The following CAPN8 variants were observed in gnomAD, a reference collection of about 807,000 sequenced individuals.
CAPN8 encodes the protein calpain-8.
Under a neutral mutation model 80.9 loss-of-function variants are expected in CAPN8, and 87 were observed. The ratio of observed to expected loss-of-function variants is 1.07; its 90% CI spans 0.90 to 1.28. The LOEUF is 1.28. Ranked by LOEUF, CAPN8 falls within the 50% of genes most tolerant of loss-of-function variation. The pLI, the probability that CAPN8 is intolerant of heterozygous loss-of-function variation, is 0.00. For missense variants in CAPN8, 757 were observed against 702.0 expected (o/e 1.08, Z -0.89); for synonymous variants, 299 against 273.8 (o/e 1.09, Z -0.91).
chr1:223,610,231 C>T (rs915100322), intron 11 of CAPN8, among the ~76,000 whole-genome samples: 1 of 152,202 alleles, frequency 6.6e-6, no homozygotes, highest in Admixed American at 6.5e-5. Flanking sequence ...ATGTCCACCC[C>T]AGAGTGGACA....
chr1:223,644,259 C>T, intron 2 of CAPN8: 1 of 319,624 alleles, frequency 3.1e-6, no homozygotes, highest in Admixed American at 3.5e-5. Flanking sequence ...AGCCTTCTAT[C>T]CACATATTCT....
intron 13 of CAPN8, among the ~76,000 whole-genome samples, chr1:223,556,736 T>C (rs950261025): frequency 1.4e-4 from 21 of 152,164 alleles, no homozygotes; most frequent in African/African-American, 5.1e-4. Flanking sequence ...TATAAGTTGA[T>C]TTAGCAGAAC....
chr1:223,541,899 G>T, intron 20 of CAPN8, 40 bp from the exon 21 acceptor site: 3 of 1,551,306 alleles, frequency 1.9e-6, no homozygotes, highest in Non-Finnish European at 2.6e-6. Context: ...TGGCTTCTCA[G>T]GGGCTGGTGT....
At chr1:223,554,050 A>G (rs1656855796) in intron 13 of CAPN8, 150 bp from the exon 14 acceptor site, 1 of 394,644 alleles carries the variant, frequency 2.5e-6, no homozygotes. Flanking sequence ...ATGGTGGCAA[A>G]CCAAGAGACA....
At chr1:223,549,191 C>T in intron 16 of CAPN8, 127 bp downstream of exon 16, 2 of 1,217,712 alleles carry the variant, frequency 1.6e-6, no homozygotes, top group Middle Eastern at 2.8e-4. Context: ...TTGACATATG[C>T]TCCATGCCTG....
At position 223,619,424 on chromosome 1, in the gene CAPN8, A is replaced by G; in HGVS notation, c.1004T>C (p.Phe335Ser). 1 of 1,551,622 alleles carries G rather than the reference A, an allele frequency of 6.4e-7. No homozygotes were observed. The highest frequency in any genetic ancestry group is 1.2e-5 in the South Asian group (1 of 84,032). The change falls in exon 9 of 21, where the codon TTC becomes TCC. Residue 335 changes from phenylalanine (F) to serine (S), a missense_variant. Coordinates refer to ENST00000366872, the MANE Select transcript of CAPN8 (RefSeq NM_001143962.2). Reference protein sequence around the residue: ...WMSLSDFVRQFSRLEICNLSP... With the variant: ...WMSLSDFVRQSSRLEICNLSP... ...CAGGTTGCAGATCTCCAACCGAGAGAACTGCCTCACGAAATCTGAAAGTGA... is the reference window on the plus strand; with the variant it reads ...CAGGTTGCAGATCTCCAACCGAGAGGACTGCCTCACGAAATCTGAAAGTGA...
At chr1:223,660,938 A>T (rs1280305625) in intron 1 of CAPN8, among the ~76,000 whole-genome samples, 1 of 152,280 alleles carries the variant, frequency 6.6e-6, no homozygotes, top group South Asian at 2.1e-4. Flanking sequence ...AGGCCGAGGC[A>T]GGTGGGTCAC....
chr1:223,615,839 A>G (rs1371581108), intron 10 of CAPN8, 131 bp downstream of exon 10: 2 of 1,106,570 alleles, frequency 1.8e-6, no homozygotes, highest in Admixed American at 4.0e-5. Context: ...GGAGAGGTAT[A>G]TAGAGGAGCA....
At chr1:223,632,049 T>A (rs1271347308) in intron 2 of CAPN8, among the ~76,000 whole-genome samples, 1 of 152,156 alleles carries the variant, frequency 6.6e-6, no homozygotes, top group African/African-American at 2.4e-5. Context: ...TGACATCAAA[T>A]GAGGTGGCCC....
rs1005784657 is a variant in CAPN8 at position 223,556,137 on chromosome 1, T to A, written c.1572+1994A>T. 8.9e-4 allele frequency among the ~76,000 whole-genome samples: 135 copies of A among 152,290 alleles called. 1 individual carries two copies. The highest frequency in any genetic ancestry group is 3.1e-3 in the African/African-American group (128 of 41,538). ...AGAGTGTGTTTGTTCACCCTGTAAT[T>A]TTTCCTTCCCTCATTCAGAGCAGGT... On this transcript the variant is annotated intron_variant, in intron 13 of 20. Coordinates refer to ENST00000366872, the MANE Select transcript of CAPN8 (RefSeq NM_001143962.2).
intron 14 of CAPN8, 46 bp from the exon 15 acceptor site, chr1:223,551,063 T>C: frequency 2.8e-6 from 2 of 715,124 alleles, no homozygotes; most frequent in Non-Finnish European, 5.2e-6. Flanking sequence ...CCCTGACAAG[T>C]TGTTTCAAGA....
chr1:223,645,076 T>C (rs1051025264), intron 2 of CAPN8, among the ~76,000 whole-genome samples: 3 of 152,078 alleles, frequency 2.0e-5, no homozygotes, highest in Non-Finnish European at 4.4e-5. Context: ...AGCGCAGCCT[T>C]CAGTCTGTGG....
At chr1:223,639,352 A>G (rs1657986991) in intron 2 of CAPN8, among the ~76,000 whole-genome samples, 1 of 152,228 alleles carries the variant, frequency 6.6e-6, no homozygotes, top group Non-Finnish European at 1.5e-5. Context: ...TCAGCCCTTC[A>G]CCCTCCAAGA....
intron 10 of CAPN8, among the ~76,000 whole-genome samples, chr1:223,615,287 T>A (rs1423234833): frequency 6.6e-6 from 1 of 152,198 alleles, no homozygotes; most frequent in Non-Finnish European, 1.5e-5. Context: ...TAAGGAGTCT[T>A]TGCCTGTATA....
At chr1:223,657,722 C>A (rs559931740) in intron 1 of CAPN8, among the ~76,000 whole-genome samples, 1 of 152,114 alleles carries the variant, frequency 6.6e-6, no homozygotes, top group Non-Finnish European at 1.5e-5. Context: ...GCCAAGATTG[C>A]GCCACTGCAC....
At chr1:223,549,257 G>A (rs2102689396) in intron 16 of CAPN8, 61 bp downstream of exon 16, 1 of 1,533,318 alleles carries the variant, frequency 6.5e-7, no homozygotes, top group Middle Eastern at 1.8e-4. Context: ...AAAAGGTGGA[G>A]GAGTCTTTAA....
chr1:223,621,891 C>T (rs978688673), intron 7 of CAPN8, among the ~76,000 whole-genome samples: 1 of 151,810 alleles, frequency 6.6e-6, no homozygotes, highest in African/African-American at 2.4e-5. Context: ...GAGTCTTGCT[C>T]TGTTGCCCAA....
chr1:223,628,810 G>A, intron 2 of CAPN8, 30 bp from the exon 3 acceptor site: 1 of 1,528,940 alleles, frequency 6.5e-7, no homozygotes. Flanking sequence ...ACACAGATTG[G>A]TCAGGCCCAG....
Position 223,629,197 on chromosome 1 carries a change from AGTGT to A in CAPN8, c.308-421_308-418del, listed in dbSNP as rs113967295. Among the ~76,000 whole-genome samples, 629 of 95,306 alleles carry A rather than the reference AGTGT, an allele frequency of 6.6e-3. 1 individual carries two copies. The highest frequency in any genetic ancestry group is 9.2e-3 in the African/African-American group (252 of 27,518). The allele number at this position is 95,306 out of a possible 152,430, so 62.5% of individuals were successfully genotyped here. A position where few individuals can be genotyped will look rare whatever the true frequency, so the allele number is the denominator to read the frequency against. ...CCAATCTATGATGTGTACGTGTAAG[AGTGT>A]GTGTGTGTGTGTGTGTGTGTGTGTG... is the stretch of plus-strand genomic sequence containing the variant. On this transcript the variant is annotated intron_variant, in intron 2 of 20. Coordinates refer to ENST00000366872, the MANE Select transcript of CAPN8 (RefSeq NM_001143962.2).
Sources: gnomAD v4.1 joint callset for allele counts (sites outside exome capture counted in the v4.1 genomes callset) on GRCh38, gnomAD v4.1.1 for gene constraint, MANE v1.5 for transcripts, NCBI Gene and HGNC (gene_info 2026-07-23, HGNC 2026-07-21) for gene names.